DMGDH: variants seen among roughly 807,000 people sequenced by gnomAD.
DMGDH encodes dimethylglycine dehydrogenase.
A neutral mutation model predicts 95.2 loss-of-function variants in DMGDH; 76 were observed. The ratio of observed to expected loss-of-function variants is 0.80; its 90% CI spans 0.66 to 0.97. DMGDH has a LOEUF of 0.97. DMGDH is among the 50% of genes least tolerant of loss of function. The pLI is 0.00. For missense variants in DMGDH, 987 were observed against 1,055.0 expected, an observed-to-expected ratio of 0.94 and a Z score of 0.89; for synonymous variants, 345 against 377.6, an observed-to-expected ratio of 0.91 and a Z score of 1.00.
At chr5:79,055,599 GA>G (rs1343230160) in intron 3 of DMGDH, among the ~76,000 whole-genome samples, 1 of 152,150 alleles carries the variant, frequency 6.6e-6, no homozygotes, top group Non-Finnish European at 1.5e-5. Context: ...AAAAAATAAA[GA>G]ATGGTTCATG....
chr5:79,017,765 A>G (rs1039137906), intron 14 of DMGDH, among the ~76,000 whole-genome samples: 8 of 152,220 alleles, frequency 5.3e-5, no homozygotes, highest in African/African-American at 1.9e-4. Flanking sequence ...ATCCACTTAT[A>G]TGTGCATTTT....
chr5:79,059,374 G>A (rs574248936), intron 2 of DMGDH, among the ~76,000 whole-genome samples: 52 of 152,324 alleles, frequency 3.4e-4, no homozygotes, highest in South Asian at 2.1e-4. Flanking sequence ...AGAAGTGCAC[G>A]ATTGGCTGTG....
intron 14 of DMGDH, among the ~76,000 whole-genome samples, chr5:79,006,820 G>T (rs973568215): frequency 4.7e-5 from 7 of 149,246 alleles, no homozygotes; most frequent in African/African-American, 1.2e-4. Context: ...GCAGCAGCAG[G>T]GGTCCTCACA....
intron 14 of DMGDH, chr5:79,020,738 G>A: frequency 2.0e-6 from 2 of 984,070 alleles, no homozygotes; most frequent in Non-Finnish European, 2.4e-6. Context: ...GAGAGGGGAA[G>A]GAGAGAGAAA....
intron 7 of DMGDH, among the ~76,000 whole-genome samples, chr5:79,035,906 C>T (rs1031272967): frequency 6.6e-6 from 1 of 152,218 alleles, no homozygotes; most frequent in Non-Finnish European, 1.5e-5. Context: ...GTCAAAACCC[C>T]TTTATTTTCC....
At chr5:79,017,285 T>C (rs190761960) in intron 14 of DMGDH, among the ~76,000 whole-genome samples, 1 of 152,126 alleles carries the variant, frequency 6.6e-6, no homozygotes, top group Admixed American at 6.5e-5. Flanking sequence ...AAAGCATGTA[T>C]CTGATAAAGA....
chr5:79,035,741 C>G (rs369277809), intron 7 of DMGDH, among the ~76,000 whole-genome samples: 68 of 129,024 alleles, frequency 5.3e-4, no homozygotes, highest in East Asian at 9.9e-4. Flanking sequence ...GAGTGGTGGG[C>G]GGGGGGGGAA....
intron 14 of DMGDH, among the ~76,000 whole-genome samples, chr5:79,005,809 C>T (rs1338789508): frequency 3.3e-5 from 5 of 152,138 alleles, no homozygotes; most frequent in African/African-American, 7.2e-5. Flanking sequence ...AGAAAATTCA[C>T]TTTTTTGAAA....
chr5:79,038,723 G>A (rs189047251), intron 7 of DMGDH, among the ~76,000 whole-genome samples: 1 of 152,098 alleles, frequency 6.6e-6, no homozygotes, highest in Non-Finnish European at 1.5e-5. Flanking sequence ...GGAGAGGAGA[G>A]CAGTCCTAGG....
At chr5:79,002,508 C>A (rs144585136) in intron 15 of DMGDH, among the ~76,000 whole-genome samples, 3 of 152,258 alleles carry the variant, frequency 2.0e-5, no homozygotes, top group Admixed American at 1.3e-4. Context: ...TTTATTTTGT[C>A]CATTGTCTGT....
chr5:79,009,500 C>T (rs1215040521), intron 14 of DMGDH, among the ~76,000 whole-genome samples: 1 of 151,912 alleles, frequency 6.6e-6, no homozygotes, highest in Non-Finnish European at 1.5e-5. Flanking sequence ...TAGCTGGGAC[C>T]AGGCACACAC....
chr5:79,066,612 T>A (rs1755391370), intron 1 of DMGDH, among the ~76,000 whole-genome samples: 1 of 152,140 alleles, frequency 6.6e-6, no homozygotes, highest in Non-Finnish European at 1.5e-5. Flanking sequence ...CCAGTTATTT[T>A]ATAGAACAGT....
At chr5:79,001,012 A>G in intron 15 of DMGDH, 1 of 700,872 alleles carries the variant, frequency 1.4e-6, no homozygotes, top group Non-Finnish European at 2.6e-6. Flanking sequence ...CTAATACAAA[A>G]TATTTTGGCA....
chr5:79,054,978 C>A (rs998662808), intron 3 of DMGDH, among the ~76,000 whole-genome samples: 1 of 152,146 alleles, frequency 6.6e-6, no homozygotes, highest in Non-Finnish European at 1.5e-5. Context: ...GATGGGACCT[C>A]CAGCTTTGAC....
At chr5:79,059,962 A>G (rs973051923) in intron 2 of DMGDH, among the ~76,000 whole-genome samples, 4 of 152,242 alleles carry the variant, frequency 2.6e-5, no homozygotes, top group African/African-American at 9.6e-5. Flanking sequence ...CTATAAAGCT[A>G]ATCACAATGG....
intron 14 of DMGDH, among the ~76,000 whole-genome samples, chr5:79,007,036 C>A (rs479405): frequency 0.65 from 98,661 of 152,092 alleles, 32,807 homozygotes; most frequent in African/African-American, 0.8. Flanking sequence ...GGTGATACAA[C>A]TGGTAAGAAC....
At chr5:79,021,447 T>C in intron 14 of DMGDH, 5 of 1,211,512 alleles carry the variant, frequency 4.1e-6, no homozygotes, top group Non-Finnish European at 3.2e-6. Flanking sequence ...GTGTATCAAC[T>C]TCACATAAGC....
chr5:79,039,782 G>C lies in DMGDH; in HGVS notation c.1193+2501C>G, dbSNP rs138410140. ...ACTCCAACCTCCAGGGAGTGGAGAAGAGATATTGAGTGCAGTCACCAATAA... is the reference window on the plus strand; with the variant it reads ...ACTCCAACCTCCAGGGAGTGGAGAACAGATATTGAGTGCAGTCACCAATAA... On this transcript the variant is annotated intron_variant, in intron 7 of 15. Coordinates refer to ENST00000255189, the MANE Select transcript of DMGDH (RefSeq NM_013391.3). Among the ~76,000 whole-genome samples, 683 of 152,224 alleles carry C rather than the reference G, an allele frequency of 4.5e-3. 5 individuals carry two copies. The highest frequency in any genetic ancestry group is 0.015 in the African/African-American group (608 of 41,536).
chr5:79,004,562 A>G (rs1474423044), intron 15 of DMGDH, among the ~76,000 whole-genome samples: 3 of 152,190 alleles, frequency 2.0e-5, no homozygotes, highest in Non-Finnish European at 2.9e-5. Flanking sequence ...TGCTAACACC[A>G]GGAAAAACAC....
Sources: allele counts gnomAD v4.1 joint callset (sites outside exome capture counted in the v4.1 genomes callset), GRCh38; gene constraint gnomAD v4.1.1; transcripts MANE v1.5; gene names NCBI Gene and HGNC (gene_info 2026-07-23, HGNC 2026-07-21).